The following OSBPL9 variants were observed in gnomAD, a reference collection of about 807,000 sequenced individuals.
The protein encoded by OSBPL9 is oxysterol-binding protein-related protein 9.
OSBPL9 carries 40 observed loss-of-function variants against 106.6 expected under a neutral mutation model. The ratio of observed to expected loss-of-function variants is 0.38; its 90% CI spans 0.29 to 0.49. The LOEUF (loss-of-function observed/expected upper bound fraction) is 0.49, where lower values mean the gene tolerates loss of function less well. OSBPL9 is among the 20% of genes least tolerant of loss of function. The probability of loss-of-function intolerance (pLI) is 0.97; values close to 1 mark genes in which losing one functional copy is unlikely to be tolerated. For synonymous variants in OSBPL9, 269 were observed against 295.4 expected (o/e 0.91, Z 0.92); for missense variants, 609 against 887.2 (o/e 0.69, Z 3.98).
intron 3 of OSBPL9, among the ~76,000 whole-genome samples, chr1:51,682,143 G>A (rs1557682759): frequency 6.6e-6 from 1 of 152,042 alleles, no homozygotes; most frequent in Non-Finnish European, 1.5e-5. Context: ...GGCAGAGGTT[G>A]CAGTGAGCCA....
chr1:51,677,056 T>C (rs1651416217), intron 3 of OSBPL9, among the ~76,000 whole-genome samples: 1 of 152,226 alleles, frequency 6.6e-6, no homozygotes, highest in Non-Finnish European at 1.5e-5. Flanking sequence ...AGAAGCTAAG[T>C]GGCAGAGCCA....
chr1:51,617,426 C>A (rs1644120669), intron 1 of OSBPL9, among the ~76,000 whole-genome samples: 1 of 152,202 alleles, frequency 6.6e-6, no homozygotes, highest in South Asian at 2.1e-4. Flanking sequence ...TAAATAGAAA[C>A]TAGCTGTCTG....
At chr1:51,745,472 A>AT in intron 4 of OSBPL9, 64 bp from the exon 5 acceptor site, 2 of 1,563,866 alleles carry the variant, frequency 1.3e-6, no homozygotes, top group South Asian at 2.4e-5. Context: ...AGGGAAAAGT[A>AT]TTTTTTGTAC....
At chr1:51,562,545 G>T in the OSBPL9 span, among the ~76,000 whole-genome samples, 1 of 152,190 alleles carries the variant, frequency 6.6e-6, no homozygotes, top group African/African-American at 2.4e-5. Context: ...TGAGGCAGTT[G>T]TGTATTAGAC....
At chr1:51,525,656 A>C in the OSBPL9 span, among the ~76,000 whole-genome samples, 1 of 152,132 alleles carries the variant, frequency 6.6e-6, no homozygotes, top group Non-Finnish European at 1.5e-5. Flanking sequence ...ACCACTTTTC[A>C]CCACCTCCAC....
chr1:51,561,365 T>C, the OSBPL9 span: 2 of 152,214 alleles, frequency 1.3e-5, no homozygotes, highest in African/African-American at 4.8e-5. Context: ...TAGGAGACTT[T>C]CACAGTGTCA....
chr1:51,688,303 A>G (rs1041282533), intron 3 of OSBPL9, among the ~76,000 whole-genome samples: 8 of 152,140 alleles, frequency 5.3e-5, no homozygotes, highest in African/African-American at 1.9e-4. Context: ...TAAGTTTAAC[A>G]TTGTTGTCTA....
chr1:51,532,785 G>T, the OSBPL9 span, among the ~76,000 whole-genome samples: 1 of 152,116 alleles, frequency 6.6e-6, no homozygotes, highest in Admixed American at 6.5e-5. Context: ...ATTTAGGTGG[G>T]TAAAAAGGGA....
intron 18 of OSBPL9, 52 bp downstream of exon 18, chr1:51,784,077 A>C (rs760473678): frequency 1.3e-5 from 19 of 1,508,548 alleles, no homozygotes; most frequent in Non-Finnish European, 1.7e-5. Flanking sequence ...AATTTTATGA[A>C]AATGGCTAGA....
chr1:51,540,966 A>T, the OSBPL9 span, among the ~76,000 whole-genome samples: 1 of 148,308 alleles, frequency 6.7e-6, no homozygotes, highest in South Asian at 2.1e-4. Flanking sequence ...CTCAAAAAAA[A>T]AAAACAAAAA....
rs190815979 is a variant in OSBPL9 at position 51,625,950 on chromosome 1, C to T, written c.111+8729C>T. On this transcript the variant is annotated intron_variant, in intron 1 of 23. Transcript: ENST00000428468. ...TTCATAATTAATTTTTTTCTATTCA[C>T]ATGACAATGTTAAAATTATTGTAAA... Among the ~76,000 whole-genome samples the T allele has an allele frequency of 5.1e-4, 77 of 152,334 alleles. 3 individuals are homozygous for T. The South Asian group carries it at 0.012, about 23-fold the overall frequency.
At chr1:51,783,858 A>G (rs781624078) in intron 17 of OSBPL9, 57 bp from the exon 18 acceptor site, 17 of 1,289,130 alleles carry the variant, frequency 1.3e-5, no homozygotes, top group Non-Finnish European at 1.8e-5. Context: ...AGGTTATGTG[A>G]TTTTGGAGAG....
At chr1:51,719,812 CATA>C (rs1661737484) in intron 4 of OSBPL9, among the ~76,000 whole-genome samples, 1 of 152,114 alleles carries the variant, frequency 6.6e-6, no homozygotes, top group African/African-American at 2.4e-5. Flanking sequence ...TCAAGTTAAA[CATA>C]ATACAAAGCA....
intron 1 of OSBPL9, among the ~76,000 whole-genome samples, chr1:51,579,856 A>AAATAAT (rs34556128): frequency 0.015 from 2,161 of 143,820 alleles, 38 homozygotes; most frequent in African/African-American, 0.042. Context: ...CTCTGTCTCA[A>AAATAAT]AATAATAATA....
the OSBPL9 span, among the ~76,000 whole-genome samples, chr1:51,570,102 C>T: frequency 1.3e-5 from 2 of 152,142 alleles, no homozygotes; most frequent in African/African-American, 2.4e-5. Flanking sequence ...AAAACAAAGG[C>T]CTGTTTTTCC....
chr1:51,741,951 G>T (rs894419481), intron 4 of OSBPL9, among the ~76,000 whole-genome samples: 1 of 152,134 alleles, frequency 6.6e-6, no homozygotes, highest in African/African-American at 2.4e-5. Context: ...TACTACTGAA[G>T]GACCTGGACA....
the OSBPL9 span, among the ~76,000 whole-genome samples, chr1:51,562,642 A>C: frequency 6.6e-6 from 1 of 152,188 alleles, no homozygotes; most frequent in African/African-American, 2.4e-5. Context: ...CTTGCTACCC[A>C]GAGGAAGCCA....
At chr1:51,652,944 C>T (rs1557642940) in intron 2 of OSBPL9, among the ~76,000 whole-genome samples, 1 of 152,198 alleles carries the variant, frequency 6.6e-6, no homozygotes, top group Non-Finnish European at 1.5e-5. Flanking sequence ...CTTTCTTCCA[C>T]CTTTTTTTCT....
At chr1:51,713,140 A>T (rs1197778195) in intron 3 of OSBPL9, among the ~76,000 whole-genome samples, 1 of 151,304 alleles carries the variant, frequency 6.6e-6, no homozygotes, top group East Asian at 1.9e-4. Context: ...TTGTTTTTTT[A>T]TTTTATTTTA....
Sources: allele counts gnomAD v4.1 joint callset (sites outside exome capture counted in the v4.1 genomes callset), GRCh38; gene constraint gnomAD v4.1.1; transcripts MANE v1.5; gene names NCBI Gene and HGNC (gene_info 2026-07-23, HGNC 2026-07-21).